Variants in NOS3 observed in about 807,000 individuals in gnomAD.
NOS3 encodes NOS type III.
In NOS3, 98 loss-of-function variants were observed where a neutral mutation model predicts 144.9. That is an observed-to-expected ratio of 0.68 (90% CI 0.57 to 0.80). The LOEUF is 0.80. Ranked by LOEUF, NOS3 falls within the 30% of genes least tolerant of loss-of-function variation. The probability of loss-of-function intolerance (pLI) is 0.00; values close to 1 mark genes in which losing one functional copy is unlikely to be tolerated. For missense variants in NOS3, 1,465 were observed against 1,656.4 expected, an observed-to-expected ratio of 0.88 and a Z score of 2.01; for synonymous variants, 714 against 702.4, an observed-to-expected ratio of 1.02 and a Z score of -0.26.
chr7:151,010,572 A>G (rs1391245426), intron 21 of NOS3, 25 bp from the exon 22 acceptor site: 1 of 1,538,004 alleles, frequency 6.5e-7, no homozygotes, highest in Non-Finnish European at 8.8e-7. Flanking sequence ...TGGGGCCTCC[A>G]ACCCACTGCA....
chr7:151,013,530 C>G, intron 25 of NOS3, 151 bp downstream of exon 25: 5 of 1,180,084 alleles, frequency 4.2e-6, no homozygotes, highest in Non-Finnish European at 5.8e-6. Context: ...CCTTGTGCCC[C>G]GGCCCCTCTA....
rs1392860098 is a variant in NOS3, at chr7:150,998,243, G to A, written c.583-114G>A. The stretch of plus-strand genomic sequence containing the variant: ...TGTGGCTGCCAATGGTCAGGAGGGC[G>A]CCATGGAGTGAACCATGGCCCCTGC... On this transcript the variant is annotated intron_variant, in intron 5 of 26. Transcript: ENST00000297494. This position sits in a 1 kb window ranked among gnomAD's most constrained non-coding sequence, Gnocchi z 5.0. The A allele has an allele frequency of 3.8e-5, 33 of 861,706 alleles. No individual in the cohort carries two copies. Among genetic ancestry groups the A allele is most frequent in the Admixed American group, 6.6e-5 (3 of 45,230 alleles). 53.4% of individuals were successfully genotyped at this position (861,706 alleles called of 1,614,324 possible).
rs1390161436 is a variant in NOS3 at position 151,006,600 on chromosome 7, C to T, written c.1820+106C>T. On this transcript the variant is annotated intron_variant, in intron 15 of 26. Coordinates refer to ENST00000297494, the MANE Select transcript of NOS3 (RefSeq NM_000603.5). ...TCCCTCTGTGCCTCAAGTCGTTTTC[C>T]CACCAAAAGCCAGGGCTCCAGGATG... 8.1e-6 allele frequency: 8 copies of T among 983,882 alleles called. No individual in the cohort carries two copies. In the African/African-American group the frequency reaches 1.1e-4, roughly 14 times the overall value. 60.9% of individuals were successfully genotyped at this position (983,882 alleles called of 1,614,324 possible).
rs1253413628 is a variant in NOS3, at chr7:151,007,228, G to A, written c.2064G>A (p.Leu688=). ...RLLQLGQGDE[L]CGQEEAFRGW... is the part of the protein sequence containing the mutation. ...TGCAGCTGGGCCAGGGCGACGAGCTGTGCGGCCAGGAGGAGGCCTTCCGAG... is the reference window on the plus strand; with the variant it reads ...TGCAGCTGGGCCAGGGCGACGAGCTATGCGGCCAGGAGGAGGCCTTCCGAG... Residue 688 remains leucine (L), a synonymous_variant, in exon 17 of 27, where the codon CTG becomes CTA. Coordinates refer to ENST00000297494, the MANE Select transcript of NOS3 (RefSeq NM_000603.5). 4 of 1,609,128 alleles carry A rather than the reference G, an allele frequency of 2.5e-6. No individual in the cohort carries two copies.
rs1584916577 is a variant in NOS3 at position 151,014,330 on chromosome 7, C to T, written c.*161C>T. On this transcript the variant is annotated 3_prime_UTR_variant, in exon 27 of 27. Coordinates refer to ENST00000297494, the MANE Select transcript of NOS3 (RefSeq NM_000603.5). ...ATTATTCCTCCAGGAAGGAGCAAAA[C>T]GCCTCTTTTCCCTCTCTAGGCCTGT... is the stretch of plus-strand genomic sequence containing the variant. 1 of 801,374 alleles carries T rather than the reference C, an allele frequency of 1.2e-6. No homozygotes were observed. 49.6% of individuals were successfully genotyped at this position (801,374 alleles called of 1,614,324 possible).
chr7:150,993,038 G>A lies in NOS3; in HGVS notation c.-51-715G>A, dbSNP rs527394792. Among the ~76,000 whole-genome samples the A allele has an allele frequency of 2.0e-5, 3 of 152,284 alleles. No individual in the cohort carries two copies. Among genetic ancestry groups the A allele is most frequent in the African/African-American group, 4.8e-5 (2 of 41,544 alleles). On this transcript the variant is annotated intron_variant, in intron 1 of 26. Coordinates refer to ENST00000297494, the MANE Select transcript of NOS3 (RefSeq NM_000603.5). This position sits in a 1 kb window ranked among gnomAD's most constrained non-coding sequence, Gnocchi z 4.0. ...AGTCTCTCTGCTGACCTGCGGCCCCGGGAAGCGTGCGTCACTGAATGACAG... is the reference window on the plus strand; with the variant it reads ...AGTCTCTCTGCTGACCTGCGGCCCCAGGAAGCGTGCGTCACTGAATGACAG...
chr7:151,006,372 T>A, intron 14 of NOS3, 55 bp from the exon 15 acceptor site: 2 of 1,239,006 alleles, frequency 1.6e-6, no homozygotes, highest in Non-Finnish European at 2.4e-6. Context: ...TTTAAACTTC[T>A]ATGTAGTTTG....
chr7:151,012,610 A>T, intron 24 of NOS3, 138 bp downstream of exon 24: 10 of 1,040,710 alleles, frequency 9.6e-6, no homozygotes, highest in Non-Finnish European at 1.4e-5. Flanking sequence ...CATGAGACCA[A>T]GGGGAGGGCA....
rs368180942 is a variant in NOS3 at position 151,009,457 on chromosome 7, C to A, written c.2384C>A (p.Pro795Gln). ...TGGQEGLQYQ[P>Q]GDHIGVCPPN... ...GGCCAGGAGGGGCTGCAGTACCAGC[C>A]GGGGGACCACATAGGTGTCTGCCCG... is the stretch of plus-strand genomic sequence containing the variant. The change falls in exon 20 of 27, where the codon CCG (proline) becomes CAG (glutamine). Residue 795 changes from proline to glutamine, a missense_variant. This residue lies in a region of NOS3 where 745 missense variants were observed against 853.9 expected (regional missense o/e 0.87). Transcript: ENST00000297494. 1 of 1,549,240 alleles carries A rather than the reference C, an allele frequency of 6.5e-7. No homozygotes were observed. The highest frequency in any genetic ancestry group is 8.7e-7 in the Non-Finnish European group (1 of 1,146,802).
Position 151,013,719 on chromosome 7 carries a change from C to A in NOS3, c.3256-5C>A, listed in dbSNP as rs927913906. ...AGGGCCCGCCCTAACCCCGCCGCCC[C>A]GCAGACCTACGTGCAGGACATCCTG... is the stretch of plus-strand genomic sequence containing the variant. On this transcript the variant is annotated splice_region_variant and splice_polypyrimidine_tract_variant and intron_variant, in intron 25 of 26. Transcript: ENST00000297494. 6.3e-7 allele frequency: 1 copy of A among 1,593,898 alleles called. No homozygotes were observed. Among genetic ancestry groups the A allele is most frequent in the South Asian group, 1.1e-5 (1 of 88,486 alleles).
chr7:151,013,139 G>T, intron 24 of NOS3, 92 bp from the exon 25 acceptor site: 1 of 1,415,514 alleles, frequency 7.1e-7, no homozygotes, highest in Non-Finnish European at 9.6e-7. Flanking sequence ...CAAAACGCTG[G>T]GCTGCCAGGC....
chr7:151,010,585 C>T lies in NOS3; in HGVS notation c.2686-12C>T, dbSNP rs1795282811. ...TATGGGGCCTCCAACCCACTGCATCCTGCCCCGCCAGGATCCCCGACGCTA... is the reference window on the plus strand; with the variant it reads ...TATGGGGCCTCCAACCCACTGCATCTTGCCCCGCCAGGATCCCCGACGCTA... On this transcript the variant is annotated splice_polypyrimidine_tract_variant and intron_variant, in intron 21 of 26. Coordinates refer to ENST00000297494, the MANE Select transcript of NOS3 (RefSeq NM_000603.5). 2 of 1,557,820 alleles carry T rather than the reference C, an allele frequency of 1.3e-6. No homozygotes were observed. Among genetic ancestry groups the T allele is most frequent in the Admixed American group, 1.9e-5 (1 of 53,658 alleles).
intron 17 of NOS3, among the ~76,000 whole-genome samples, chr7:151,008,633 G>A (rs1056546382): frequency 6.6e-6 from 1 of 152,186 alleles, no homozygotes; most frequent in African/African-American, 2.4e-5. Flanking sequence ...ACACACAGAC[G>A]CCTTCACAGA....
At chr7:151,012,269 T>C in intron 23 of NOS3, 82 bp from the exon 24 acceptor site, 1 of 1,082,192 alleles carries the variant, frequency 9.2e-7, no homozygotes, top group Non-Finnish European at 1.3e-6. Context: ...ACTTGGGTCC[T>C]CCTTGCTCCA....
rs3918162 is a variant in NOS3, at chr7:150,993,198, A to C, written c.-51-555A>C. Among the ~76,000 whole-genome samples the C allele has an allele frequency of 6.6e-6, 1 of 152,160 alleles. No individual in the cohort carries two copies. The highest frequency in any genetic ancestry group is 6.5e-5 in the Admixed American group (1 of 15,274). ...CCTAATGTCAGACTCAAGGACAAAA[A>C]GTCACTACATCCTTGCTGGGCCTCT... On this transcript the variant is annotated intron_variant, in intron 1 of 26. Transcript: ENST00000297494. This position sits in a 1 kb window ranked among gnomAD's most constrained non-coding sequence, Gnocchi z 4.0.
Position 151,010,292 on chromosome 7 carries a change from G to T in NOS3, c.2685+5G>T. On this transcript the variant is annotated splice_donor_5th_base_variant and intron_variant, in intron 21 of 26. Coordinates refer to ENST00000297494, the MANE Select transcript of NOS3 (RefSeq NM_000603.5). ...GAGCTGGAGGCCCTCAGCCAGGTTG[G>T]GGGCCACCCCAATGAGGCACAGGGG... 6.2e-7 allele frequency: 1 copy of T among 1,610,802 alleles called. No homozygotes were observed. Among genetic ancestry groups the T allele is most frequent in the Non-Finnish European group, 8.5e-7 (1 of 1,178,836 alleles).
chr7:151,008,330 A>T (rs1795237630), intron 17 of NOS3, among the ~76,000 whole-genome samples: 1 of 152,142 alleles, frequency 6.6e-6, no homozygotes, highest in African/African-American at 2.4e-5. Context: ...ATCACGGGTG[A>T]GCCCTGCATT....
chr7:150,997,981 C>T (rs963960860), intron 5 of NOS3, among the ~76,000 whole-genome samples: 2 of 152,194 alleles, frequency 1.3e-5, no homozygotes, highest in Non-Finnish European at 2.9e-5. Flanking sequence ...GAGAATCACC[C>T]GTCCTTTCTT....
chr7:151,008,828 G>A (rs1795245048), intron 17 of NOS3, 102 bp from the exon 18 acceptor site: 12 of 1,351,904 alleles, frequency 8.9e-6, no homozygotes, highest in Non-Finnish European at 1.1e-5. Context: ...CACTGGGGCT[G>A]CCAACCCCCC....
Sources: gnomAD v4.1 joint callset for allele counts (sites outside exome capture counted in the v4.1 genomes callset) on GRCh38, gnomAD v4.1.1 for gene constraint, gnomAD v4.1.1 regional missense constraint, Gnocchi (gnomAD v3.1) non-coding constraint, MANE v1.5 for transcripts, NCBI Gene and HGNC (gene_info 2026-07-23, HGNC 2026-07-21) for gene names.